PLK2: variants seen among roughly 807,000 people sequenced by gnomAD.
PLK2 encodes the protein serine/threonine-protein kinase PLK2.
PLK2 carries 25 observed loss-of-function variants against 78.1 expected under a neutral mutation model. The observed-to-expected ratio is 0.32, with a 90% CI of 0.23 to 0.45. The LOEUF (loss-of-function observed/expected upper bound fraction) is 0.45, where lower values mean the gene tolerates loss of function less well. Ranked by LOEUF, PLK2 falls within the 20% of genes least tolerant of loss-of-function variation. PLK2 has a pLI of 1.00. For synonymous variants in PLK2, 332 were observed against 298.2 expected, an observed-to-expected ratio of 1.11 and a Z score of -1.17; for missense variants, 566 against 840.2, an observed-to-expected ratio of 0.67 and a Z score of 4.04.
rs1218220026 is a variant in PLK2 at position 58,459,306 on chromosome 5, C to T, written c.271-214G>A. 42 of 583,124 alleles carry T rather than the reference C, an allele frequency of 7.2e-5. No homozygotes were observed. The South Asian group carries it at 7.6e-4, about 11-fold the overall frequency. The allele number at this position is 583,124 out of a possible 1,614,324, so 36.1% of individuals were successfully genotyped here. ...ACAGCAAGTTCAAACAGTTTCTCTT[C>T]TTCTTTTATAAAGGGGAGCTTTATG... On this transcript the variant is annotated intron_variant, in intron 1 of 13. Transcript: ENST00000274289.
intron 9 of PLK2, 21 bp downstream of exon 9, chr5:58,456,470 AC>A: frequency 1.4e-6 from 2 of 1,391,304 alleles, no homozygotes; most frequent in Non-Finnish European, 2.0e-6. Context: ...GTGAGTATCT[AC>A]TTTACTCTTT....
In PLK2 at chr5:58,456,932, C is replaced by T. The variant is rs1470770030; in HGVS notation, c.1156+13G>A. ...TTGGGTACGAAAAAGGAAAAGAAGT[C>T]TTGTTAACTTACTATGTGTGTCAAT... is the stretch of plus-strand genomic sequence containing the variant. On this transcript the variant is annotated intron_variant, in intron 8 of 13. Transcript: ENST00000274289. 6.5e-7 allele frequency: 1 copy of T among 1,541,650 alleles called. No individual in the cohort carries two copies. Among genetic ancestry groups the T allele is most frequent in the Admixed American group, 2.0e-5 (1 of 51,016 alleles).
At position 58,458,784 on chromosome 5, in the gene PLK2, A is replaced by G; in HGVS notation, c.436T>C (p.Tyr146His). The G allele has an allele frequency of 6.2e-7, 1 of 1,606,424 alleles. No individual in the cohort carries two copies. The highest frequency in any genetic ancestry group is 8.5e-7 in the Non-Finnish European group (1 of 1,173,042). ...TTTTCTTTGTCCTCGAAGTAGTGGT[A>G]AAACTGCACTACATGCTTATGATGA... ...ILHHKHVVQF[Y>H]HYFEDKENIY... The change falls in exon 3 of 14, where the codon TAC becomes CAC. Residue 146 changes from tyrosine to histidine, a missense_variant. Tyr to His is a moderately conservative substitution (Grantham distance 83). Around this residue, in one of 5 missense-constraint regions of PLK2, gnomAD observed 179 missense variants for 342.3 expected, o/e 0.52. Coordinates refer to ENST00000274289, the MANE Select transcript of PLK2 (RefSeq NM_006622.4).
Position 58,456,525 on chromosome 5 carries a change from T to A in PLK2, c.1221A>T (p.Ile407=). The A allele has an allele frequency of 6.2e-7, 1 of 1,612,572 alleles. No homozygotes were observed. The highest frequency in any genetic ancestry group is 8.5e-7 in the Non-Finnish European group (1 of 1,178,630). The change falls in exon 9 of 14, where the codon ATA becomes ATT. Residue 407 remains isoleucine (I), a synonymous_variant. Transcript: ENST00000274289. ...KLRHDLKKTS[I]TQQPSKHRTD... is the part of the protein sequence containing the mutation. ...TCCTGTGTTTGCTGGGTTGCTGAGT[T>A]ATTGAAGTCTTTTTCAAATCATGCC...
intron 9 of PLK2, 105 bp downstream of exon 9, chr5:58,456,382 TAAGTA>T (rs369378707): frequency 1.2e-5 from 10 of 853,346 alleles, no homozygotes; most frequent in East Asian, 2.5e-5. Flanking sequence ...AGAAAAACTT[TAAGTA>T]AATATGACAT....
Position 58,459,801 on chromosome 5 carries a change from C to T in PLK2, c.159G>A (p.Pro53=). The T allele has an allele frequency of 6.2e-6, 10 of 1,608,898 alleles. No individual in the cohort carries two copies. The highest frequency in any genetic ancestry group is 8.5e-6 in the Non-Finnish European group (10 of 1,179,830). The change falls in exon 1 of 14, where the codon CCG becomes CCA. Residue 53 remains proline, a synonymous_variant. Coordinates refer to ENST00000274289, the MANE Select transcript of PLK2 (RefSeq NM_006622.4). ...QPPQSQAQVP[P]AAPHHHHHHS... ...GGTGGTGATGGTGGTGAGGGGCCGC[C>T]GGGGGCACTTGCGCCTGGGACTGAG...
chr5:58,460,003 GC>G lies in PLK2; in HGVS notation c.-45del. The stretch of plus-strand genomic sequence containing the variant: ...CACTGCCCGCTGCCACCCCCTAGGC[GC>G]GGTCACACGTCCGAGCCGGCCGTGG... On this transcript the variant is annotated 5_prime_UTR_variant, in exon 1 of 14. Transcript: ENST00000274289. The G allele has an allele frequency of 6.5e-7, 1 of 1,539,404 alleles. No homozygotes were observed. Among genetic ancestry groups the G allele is most frequent in the South Asian group, 1.2e-5 (1 of 81,408 alleles).
Position 58,460,021 on chromosome 5 carries a change from CG to C in PLK2, c.-63del. The C allele has an allele frequency of 6.6e-7, 1 of 1,521,830 alleles. No individual in the cohort carries two copies. Among genetic ancestry groups the C allele is most frequent in the East Asian group, 2.3e-5 (1 of 43,896 alleles). The allele number at this position is 1,521,830 out of a possible 1,614,324, so 94.3% of individuals were successfully genotyped here. On this transcript the variant is annotated 5_prime_UTR_variant, in exon 1 of 14. Coordinates refer to ENST00000274289, the MANE Select transcript of PLK2 (RefSeq NM_006622.4). ...CCTAGGCGCGGTCACACGTCCGAGC[CG>C]GCCGTGGTCCTCGCACCCTTGCCTC... is the stretch of plus-strand genomic sequence containing the variant.
rs762805397 is a variant in PLK2 at position 58,459,104 on chromosome 5, C to T, written c.271-12G>A. 4.8e-6 allele frequency: 7 copies of T among 1,462,186 alleles called. No homozygotes were observed. Among genetic ancestry groups the T allele is most frequent in the Non-Finnish European group, 4.8e-6 (5 of 1,042,974 alleles). The allele number at this position is 1,462,186 out of a possible 1,614,324, so 90.6% of individuals were successfully genotyped here. The stretch of plus-strand genomic sequence containing the variant: ...TTTGCAAAGCCACCCTGAAAGGAAA[C>T]AAAGCCGAGACGGAATTGAGGATGG... On this transcript the variant is annotated splice_polypyrimidine_tract_variant and intron_variant, in intron 1 of 13. Coordinates refer to ENST00000274289, the MANE Select transcript of PLK2 (RefSeq NM_006622.4).
chr5:58,456,993 C>T lies in PLK2; in HGVS notation c.1108G>A (p.Ala370Thr). 6.2e-7 allele frequency: 1 copy of T among 1,612,422 alleles called. No homozygotes were observed. ...TTGTCTTTTTTGCCACCAAAAAGAG[C>T]AGCAGCTGCTTTCTTAAAGAAATTC... ...AKNFFKKAAA[A>T]LFGGKKDKAR... is the part of the protein sequence containing the mutation. The change falls in exon 8 of 14, where the codon GCT (alanine) becomes ACT (threonine). Residue 370 changes from alanine to threonine, a missense_variant. By Grantham distance (58) the Ala-to-Thr change is moderately conservative. Transcript: ENST00000274289.
At position 58,459,941 on chromosome 5, in the gene PLK2, T is replaced by C. The variant is rs757948197; in HGVS notation, c.19A>G (p.Ile7Val). The part of the protein sequence containing the change: MELLRT[I>V]TYQPAASTKM... The stretch of plus-strand genomic sequence containing the variant: ...GTGCTGGCGGCTGGCTGGTAGGTGA[T>C]AGTCCGCAAAAGCTCCATGGTCGCC... Residue 7 changes from isoleucine (I) to valine (V), a missense_variant, in exon 1 of 14, where the codon ATC (isoleucine) becomes GTC (valine). Around this residue, in one of 5 missense-constraint regions of PLK2, gnomAD observed 127 missense variants for 122.5 expected, o/e 1.04. Transcript: ENST00000274289. 2 of 1,607,996 alleles carry C rather than the reference T, an allele frequency of 1.2e-6. No homozygotes were observed. Among genetic ancestry groups the C allele is most frequent in the African/African-American group, 1.3e-5 (1 of 74,942 alleles).
chr5:58,457,412 T>A lies in PLK2; in HGVS notation c.810-33A>T, dbSNP rs759756303. On this transcript the variant is annotated intron_variant, in intron 6 of 13. Transcript: ENST00000274289. Reference sequence around the variant, plus strand: ...CAAAGAAACACATCTTTAGCAATGGTCATAAAGCAACTCTTTTCAAGTGTT... The same window carrying A: ...CAAAGAAACACATCTTTAGCAATGGACATAAAGCAACTCTTTTCAAGTGTT... The A allele has an allele frequency of 6.9e-6, 11 of 1,582,884 alleles. No individual in the cohort carries two copies. The South Asian group carries it at 1.2e-4, about 18-fold the overall frequency.
Position 58,454,604 on chromosome 5 carries a change from C to T in PLK2, c.2037G>A (p.Met679Ile), listed in dbSNP as rs1266765938. 6 of 1,611,748 alleles carry T rather than the reference C, an allele frequency of 3.7e-6. No homozygotes were observed. Among genetic ancestry groups the T allele is most frequent in the Admixed American group, 1.7e-5 (1 of 59,620 alleles). ...LKNRMEYALN[M>I]LLQRCN is the part of the protein sequence containing the mutation. ...TCTTTCAGTTACATCTTTGTAAGAG[C>T]ATGTTCAGGGCATATTCCATTCGAT... Residue 679 changes from methionine (M) to isoleucine (I), a missense_variant, in exon 14 of 14, where the codon ATG (methionine) becomes ATA (isoleucine). By Grantham distance (10) the Met-to-Ile change is conservative. Around this residue, in one of 5 missense-constraint regions of PLK2, gnomAD observed 130 missense variants for 196.4 expected, o/e 0.66. Transcript: ENST00000274289.
intron 12 of PLK2, 60 bp from the exon 13 acceptor site, chr5:58,455,081 T>C (rs1458751187): frequency 8.5e-7 from 1 of 1,170,156 alleles, no homozygotes; most frequent in South Asian, 1.3e-5. Flanking sequence ...TGCACTCTAT[T>C]ATTATTCTAA....
At position 58,455,541 on chromosome 5, in the gene PLK2, T is replaced by C. The variant is rs186957504; in HGVS notation, c.1623A>G (p.Lys541=). 1 of 1,614,124 alleles carries C rather than the reference T, an allele frequency of 6.2e-7. No homozygotes were observed. The highest frequency in any genetic ancestry group is 8.5e-7 in the Non-Finnish European group (1 of 1,179,984). The change falls in exon 11 of 14, where the codon AAA becomes AAG. Residue 541 remains lysine, a splice_region_variant and synonymous_variant. Coordinates refer to ENST00000274289, the MANE Select transcript of PLK2 (RefSeq NM_006622.4). ...ATTTCATTAATTGATACACTTACTT[T>C]TTGTCTGGAAGGAGGCTCATGTGAG... ...NGAHMSLLPD[K]KTVHYYAELG... is the part of the protein sequence containing the mutation.
chr5:58,459,258 T>C (rs1743691641), intron 1 of PLK2, 166 bp from the exon 2 acceptor site: 1 of 609,380 alleles, frequency 1.6e-6, no homozygotes, highest in Non-Finnish European at 2.9e-6. Flanking sequence ...AGCTCCCTCA[T>C]GAAGAGAAAT....
intron 9 of PLK2, 160 bp downstream of exon 9, chr5:58,456,332 G>GGA: frequency 2.6e-6 from 2 of 767,828 alleles, no homozygotes; most frequent in Non-Finnish European, 4.2e-6. Flanking sequence ...AAAACTAAAA[G>GGA]ACTTCCTTTT....
chr5:58,458,766 T>A lies in PLK2; in HGVS notation c.454A>T (p.Lys152Ter). 1 of 1,598,224 alleles carries A rather than the reference T, an allele frequency of 6.3e-7. No individual in the cohort carries two copies. Among genetic ancestry groups the A allele is most frequent in the Non-Finnish European group, 8.6e-7 (1 of 1,165,490 alleles). Reference protein sequence around the residue: ...VVQFYHYFEDKENIYILLEYC... With the variant: ...VVQFYHYFED ...TCCAAGAGAATGTAAATGTTTTCTT[T>A]GTCCTCGAAGTAGTGGTAAAACTGC... The change falls in exon 3 of 14, where the codon AAA becomes TAA. Residue 152 changes from lysine to a stop codon, truncating the protein, a stop_gained. Coordinates refer to ENST00000274289, the MANE Select transcript of PLK2 (RefSeq NM_006622.4). LOFTEE classifies it high-confidence loss of function.
At chr5:58,455,943 A>G (rs900774835) in intron 10 of PLK2, 83 bp downstream of exon 10, 5 of 1,505,650 alleles carry the variant, frequency 3.3e-6, no homozygotes, top group Non-Finnish European at 3.6e-6. Context: ...ATTAAGCTAC[A>G]AAGTAAATTG....
Sources: allele counts gnomAD v4.1 joint callset, GRCh38; gene constraint gnomAD v4.1.1; regional missense constraint gnomAD v4.1.1; transcripts MANE v1.5; gene names NCBI Gene and HGNC (gene_info 2026-07-23, HGNC 2026-07-21).